Variants in PTPRG observed in about 807,000 individuals in gnomAD.
The protein encoded by PTPRG is protein tyrosine phosphatase receptor type G, also known as receptor-type tyrosine-protein phosphatase gamma.
Under a neutral mutation model 165.3 loss-of-function variants are expected in PTPRG, and 102 were observed. The ratio of observed to expected loss-of-function variants is 0.62; its 90% CI spans 0.53 to 0.73. The LOEUF (loss-of-function observed/expected upper bound fraction) is 0.73. Ranked by LOEUF, PTPRG falls within the 30% of genes least tolerant of loss-of-function variation. The pLI is 0.00. For missense variants in PTPRG, 1,866 were observed against 1,861.4 expected, an observed-to-expected ratio of 1.00 and a Z score of -0.05; for synonymous variants, 675 against 669.5, an observed-to-expected ratio of 1.01 and a Z score of -0.13.
At chr3:61,771,505 C>G (rs1488062102) in intron 2 of PTPRG, 1 of 152,132 alleles carries the variant, frequency 6.6e-6, no homozygotes, top group African/African-American at 2.4e-5. Context: ...TGTTCAGTCA[C>G]TTAAGATCAT....
chr3:62,020,875 A>C (rs573824728), intron 4 of PTPRG, among the ~76,000 whole-genome samples: 3 of 146,264 alleles, frequency 2.1e-5, no homozygotes, highest in East Asian at 4.0e-4. Context: ...GGGTCTTGCT[A>C]TATTGCCCAG....
At chr3:61,644,144 AAAG>A (rs1702138321) in intron 1 of PTPRG, among the ~76,000 whole-genome samples, 1 of 152,210 alleles carries the variant, frequency 6.6e-6, no homozygotes, top group Non-Finnish European at 1.5e-5. Flanking sequence ...TTGGAGTGAT[AAAG>A]AAGTGTCACC....
chr3:61,929,597 T>G (rs1377033874), intron 2 of PTPRG, among the ~76,000 whole-genome samples: 2 of 152,198 alleles, frequency 1.3e-5, no homozygotes, highest in Non-Finnish European at 2.9e-5. Context: ...CCCAAAGAAG[T>G]GATGAATTAA....
chr3:61,955,157 A>G (rs1417974281), intron 2 of PTPRG, among the ~76,000 whole-genome samples: 1 of 152,222 alleles, frequency 6.6e-6, no homozygotes, highest in Non-Finnish European at 1.5e-5. Context: ...TGTATACGAT[A>G]TGTCATAGCC....
At chr3:61,850,856 C>G (rs2036944844) in intron 2 of PTPRG, among the ~76,000 whole-genome samples, 1 of 152,152 alleles carries the variant, frequency 6.6e-6, no homozygotes, top group Non-Finnish European at 1.5e-5. Context: ...CAAAGCAAAA[C>G]ATGCCTTTGT....
At position 62,233,506 on chromosome 3, in the gene PTPRG, GCT is replaced by G. The variant is rs1411834108; in HGVS notation, c.2375+2203_2375+2204del. Among the ~76,000 whole-genome samples the G allele has an allele frequency of 6.6e-6, 1 of 152,046 alleles. No homozygotes were observed. Among genetic ancestry groups the G allele is most frequent in the Non-Finnish European group, 1.5e-5 (1 of 68,002 alleles). On this transcript the variant is annotated intron_variant, in intron 14 of 29. Transcript: ENST00000474889. This position sits in a 1 kb window ranked among gnomAD's most constrained non-coding sequence, Gnocchi z 4.7. ...GCTGGAATGCAAGCCCTTCAACCAG[GCT>G]CTCTCTCACCTTTGCCTTTTTCATT...
At chr3:62,147,419 C>CG (rs1559565915) in intron 6 of PTPRG, among the ~76,000 whole-genome samples, 1 of 152,152 alleles carries the variant, frequency 6.6e-6, no homozygotes, top group African/African-American at 2.4e-5. Context: ...AGAAAGTTGA[C>CG]GGGGCCCTTT....
rs186037734 is a variant in PTPRG at position 62,272,848 on chromosome 3, A to G, written c.3183-98A>G. 6,283 of 1,324,750 alleles carry G rather than the reference A, an allele frequency of 4.7e-3. 23 individuals are homozygous for G. Among genetic ancestry groups the G allele is most frequent in the Non-Finnish European group, 5.5e-3 (5,447 of 996,424 alleles). The allele number at this position is 1,324,750 out of a possible 1,614,324, so 82.1% of individuals were successfully genotyped here. A position where few individuals can be genotyped will look rare whatever the true frequency, so the allele number is the denominator to read the frequency against. ...TGAAACTCCATCTCATCTCAGAAAA[A>G]TAATAAAATAAATGGGGTTTAGATT... On this transcript the variant is annotated intron_variant, in intron 21 of 29. Transcript: ENST00000474889.
At chr3:61,839,665 A>C (rs1233116673) in intron 2 of PTPRG, among the ~76,000 whole-genome samples, 1 of 152,262 alleles carries the variant, frequency 6.6e-6, no homozygotes, top group East Asian at 1.9e-4. Flanking sequence ...AGTCTATTTT[A>C]AGGTTATAGA....
intron 1 of PTPRG, among the ~76,000 whole-genome samples, chr3:61,667,794 TAAAAA>T (rs60917362): frequency 1.4e-5 from 2 of 141,804 alleles, no homozygotes; most frequent in Admixed American, 7.1e-5. Flanking sequence ...TTTTTTTAAT[TAAAAA>T]AAAAAAAAAA....
At chr3:61,801,307 T>G (rs944518176) in intron 2 of PTPRG, among the ~76,000 whole-genome samples, 2 of 150,694 alleles carry the variant, frequency 1.3e-5, no homozygotes, top group Non-Finnish European at 1.5e-5. Context: ...TATGTGTGTG[T>G]GTAATTTTTT....
intron 4 of PTPRG, among the ~76,000 whole-genome samples, chr3:62,005,446 G>A (rs2107727133): frequency 6.6e-6 from 1 of 152,284 alleles, no homozygotes; most frequent in Admixed American, 6.5e-5. Flanking sequence ...TGTCCAGCAA[G>A]CCTTGCTCTG....
chr3:61,989,305 G>A (rs563542670), intron 2 of PTPRG, among the ~76,000 whole-genome samples: 34 of 152,232 alleles, frequency 2.2e-4, no homozygotes, highest in African/African-American at 8.2e-4. Context: ...TAAATGCTCT[G>A]CTTATTTTAG....
chr3:61,819,179 C>T (rs2035882751), intron 2 of PTPRG, among the ~76,000 whole-genome samples: 1 of 151,896 alleles, frequency 6.6e-6, no homozygotes, highest in African/African-American at 2.4e-5. Flanking sequence ...AAAATGTGAA[C>T]CATGAATTTT....
chr3:61,717,836 G>C (rs1480316098), intron 1 of PTPRG, among the ~76,000 whole-genome samples: 5 of 151,836 alleles, frequency 3.3e-5, no homozygotes, highest in Non-Finnish European at 5.9e-5. Flanking sequence ...TTTTATTGTA[G>C]GTATTAGAAC....
intron 1 of PTPRG, among the ~76,000 whole-genome samples, chr3:61,681,867 T>A (rs952808038): frequency 6.6e-6 from 1 of 152,100 alleles, no homozygotes; most frequent in Admixed American, 6.6e-5. Flanking sequence ...AGTAAACTAG[T>A]GGCCGGGCGC....
intron 2 of PTPRG, among the ~76,000 whole-genome samples, chr3:61,784,470 G>A (rs2034636183): frequency 6.6e-6 from 1 of 152,180 alleles, no homozygotes. Flanking sequence ...TGAGTCAAAT[G>A]AATCATAGAG....
At chr3:61,610,790 T>C (rs189949745) in intron 1 of PTPRG, among the ~76,000 whole-genome samples, 2,738 of 98,680 alleles carry the variant, frequency 0.028, 149 homozygotes, top group African/African-American at 0.1. Context: ...TCCCTCTCTC[T>C]CTCCATCTCT....
chr3:62,167,057 G>A (rs1022472761), intron 7 of PTPRG, among the ~76,000 whole-genome samples: 6 of 152,098 alleles, frequency 3.9e-5, no homozygotes, highest in African/African-American at 1.4e-4. Flanking sequence ...ATAAAAGTTA[G>A]ATCGGCAGTC....
Sources: allele counts gnomAD v4.1 joint callset (sites outside exome capture counted in the v4.1 genomes callset), GRCh38; gene constraint gnomAD v4.1.1; non-coding constraint Gnocchi (gnomAD v3.1); transcripts MANE v1.5; gene names NCBI Gene and HGNC (gene_info 2026-07-23, HGNC 2026-07-21).